Variants in CDC16 observed in about 807,000 individuals in gnomAD.
CDC16 encodes the protein cell division cycle protein 16 homolog.
A neutral mutation model predicts 87.0 loss-of-function variants in CDC16; 34 were observed. The ratio of observed to expected loss-of-function variants is 0.39; its 90% CI spans 0.30 to 0.52. CDC16 has a LOEUF of 0.52. CDC16 is among the 20% of genes least tolerant of loss of function. The pLI, the probability that CDC16 is intolerant of heterozygous loss-of-function variation, is 0.74. For missense variants in CDC16, 653 were observed against 751.9 expected, an observed-to-expected ratio of 0.87 and a Z score of 1.54; for synonymous variants, 263 against 260.6, an observed-to-expected ratio of 1.01 and a Z score of -0.09.
At chr13:114,266,939 G>A (rs906794528) in intron 17 of CDC16, among the ~76,000 whole-genome samples, 6 of 151,822 alleles carry the variant, frequency 4.0e-5, no homozygotes, top group Admixed American at 1.3e-4. Context: ...CTTGTGATCC[G>A]CCCTCCTCGG....
At chr13:114,253,811 G>A (rs936954525) in intron 12 of CDC16, among the ~76,000 whole-genome samples, 6 of 152,078 alleles carry the variant, frequency 3.9e-5, no homozygotes, top group Non-Finnish European at 8.8e-5. Flanking sequence ...TGTTACATCT[G>A]ATTTTATAGT....
At chr13:114,247,306 G>A (rs1438763919) in intron 11 of CDC16, 1 of 291,820 alleles carries the variant, frequency 3.4e-6, no homozygotes, top group Non-Finnish European at 6.4e-6. Flanking sequence ...GGGACTACAG[G>A]CACCACCATG....
At chr13:114,243,129 T>C in intron 6 of CDC16, 128 bp from the exon 7 acceptor site, 1 of 583,718 alleles carries the variant, frequency 1.7e-6, no homozygotes, top group Non-Finnish European at 3.1e-6. Context: ...TTGCACATTT[T>C]GATCTTATGT....
At chr13:114,269,533 CAA>C (rs760621641) in intron 17 of CDC16, among the ~76,000 whole-genome samples, 8 of 152,094 alleles carry the variant, frequency 5.3e-5, no homozygotes, top group African/African-American at 7.2e-5. Flanking sequence ...AGGTCACAAA[CAA>C]GAGTATTCAT....
At chr13:114,250,525 C>T (rs1329776185) in intron 11 of CDC16, 24 bp from the exon 12 acceptor site, 3 of 1,560,866 alleles carry the variant, frequency 1.9e-6, no homozygotes, top group African/African-American at 2.7e-5. Context: ...TACTATATGA[C>T]TTAAATTAAC....
chr13:114,243,870 T>C lies in CDC16; in HGVS notation c.648T>C (p.Ser216=). Residue 216 remains serine (S), a synonymous_variant, in exon 8 of 18, where the codon AGT becomes AGC. Transcript: ENST00000356221. The stretch of plus-strand genomic sequence containing the variant: ...ATGTGTTTCAGTATAATAAGCCTAG[T>C]GAAACGGTCATCCCTGAATCTGTAG... The part of the protein sequence containing the change: ...ENKLKKYNKP[S]ETVIPESVDG... 6.2e-7 allele frequency: 1 copy of C among 1,610,452 alleles called. No individual in the cohort carries two copies. The highest frequency in any genetic ancestry group is 8.5e-7 in the Non-Finnish European group (1 of 1,177,292).
rs537045839 is a variant in CDC16, at chr13:114,255,325, T to C, written c.1098-1753T>C. Among the ~76,000 whole-genome samples the C allele has an allele frequency of 1.8e-4, 28 of 152,328 alleles. No individual in the cohort carries two copies. In the South Asian group the frequency reaches 5.2e-3, roughly 28 times the overall value. On this transcript the variant is annotated intron_variant, in intron 12 of 17. Coordinates refer to ENST00000356221, the MANE Select transcript of CDC16 (RefSeq NM_001078645.3). ...TTTCAGTTCTCTTTGTTCCTGTGGG[T>C]TCAAGTTAACATCCAGTGTTACTTT...
In CDC16 at chr13:114,269,770, T is replaced by C. The variant is rs1219938737; in HGVS notation, c.1604-2414T>C. ...CCCAGGCTGGAGTGCAGGGGCGCCATCTCGGCTTACTGCAACCTCTGCCTC... is the reference window on the plus strand; with the variant it reads ...CCCAGGCTGGAGTGCAGGGGCGCCACCTCGGCTTACTGCAACCTCTGCCTC... On this transcript the variant is annotated intron_variant, in intron 17 of 17. Transcript: ENST00000356221. 3.3e-5 allele frequency among the ~76,000 whole-genome samples: 5 copies of C among 152,218 alleles called. No individual in the cohort carries two copies. In the East Asian group the frequency reaches 9.6e-4, roughly 29 times the overall value.
intron 15 of CDC16, among the ~76,000 whole-genome samples, 165 bp downstream of exon 15, chr13:114,262,113 G>A (rs2082893217): frequency 1.3e-5 from 2 of 152,122 alleles, no homozygotes; most frequent in South Asian, 4.1e-4. Flanking sequence ...ATCTGTGTTG[G>A]TGTAATTTTA....
chr13:114,263,473 A>G (rs2082979527), intron 16 of CDC16, among the ~76,000 whole-genome samples: 1 of 152,264 alleles, frequency 6.6e-6, no homozygotes, highest in African/African-American at 2.4e-5. Context: ...CACAAAGAAA[A>G]AAGTGCTGCC....
intron 14 of CDC16, among the ~76,000 whole-genome samples, chr13:114,259,625 C>A (rs1303892478): frequency 6.6e-6 from 1 of 152,210 alleles, no homozygotes; most frequent in Non-Finnish European, 1.5e-5. Flanking sequence ...TAAATGGGCT[C>A]TAGCTTTGAA....
At chr13:114,249,290 G>A (rs932376145) in intron 11 of CDC16, among the ~76,000 whole-genome samples, 1 of 151,954 alleles carries the variant, frequency 6.6e-6, no homozygotes, top group Non-Finnish European at 1.5e-5. Context: ...GAGCTCAGGC[G>A]GAAATGCAAG....
At chr13:114,244,184 T>G (rs1383586705) in intron 8 of CDC16, among the ~76,000 whole-genome samples, 195 bp downstream of exon 8, 1 of 152,120 alleles carries the variant, frequency 6.6e-6, no homozygotes, top group Non-Finnish European at 1.5e-5. Flanking sequence ...ATTTGTAGAT[T>G]TATTACATTA....
chr13:114,250,398 A>G, intron 11 of CDC16, 151 bp from the exon 12 acceptor site: 1 of 581,182 alleles, frequency 1.7e-6, no homozygotes, highest in Non-Finnish European at 2.9e-6. Context: ...AGGTTGAGGT[A>G]GGAGAATTGC....
intron 11 of CDC16, among the ~76,000 whole-genome samples, chr13:114,248,406 C>T (rs17338046): frequency 0.017 from 2,519 of 152,264 alleles, 71 homozygotes; most frequent in African/African-American, 0.057. Flanking sequence ...GTCAGCCAGG[C>T]GTGGTGGCTC....
rs2082946917 is a variant in CDC16, at chr13:114,263,024, T to G, written c.1512+10T>G. ...GGACTACTTCCACACAGTATGTCTTTTCTTTGTACCTAATTTTAAATCTGG... is the reference window on the plus strand; with the variant it reads ...GGACTACTTCCACACAGTATGTCTTGTCTTTGTACCTAATTTTAAATCTGG... On this transcript the variant is annotated intron_variant, in intron 16 of 17. Coordinates refer to ENST00000356221, the MANE Select transcript of CDC16 (RefSeq NM_001078645.3). The G allele has an allele frequency of 6.2e-7, 1 of 1,612,094 alleles. No individual in the cohort carries two copies. Among genetic ancestry groups the G allele is most frequent in the East Asian group, 2.2e-5 (1 of 44,852 alleles).
intron 12 of CDC16, among the ~76,000 whole-genome samples, chr13:114,256,656 G>A (rs1362723259): frequency 2.0e-5 from 3 of 152,200 alleles, no homozygotes; most frequent in Non-Finnish European, 2.9e-5. Context: ...GAGCATTTAT[G>A]TTAGAAAAGT....
At position 114,257,561 on chromosome 13, in the gene CDC16, G is replaced by A. The variant is rs17338138; in HGVS notation, c.1250+331G>A. On this transcript the variant is annotated intron_variant, in intron 13 of 17. Coordinates refer to ENST00000356221, the MANE Select transcript of CDC16 (RefSeq NM_001078645.3). ...TGTGTTGATAAGGAGTTGAATTTAC[G>A]TATTTGAGAAGAATTTGACATGGTT... 2.6e-3 allele frequency among the ~76,000 whole-genome samples: 389 copies of A among 152,164 alleles called. 1 individual carries two copies. The highest frequency in any genetic ancestry group is 8.7e-3 in the African/African-American group (362 of 41,504).
intron 9 of CDC16, 32 bp downstream of exon 9, chr13:114,245,001 T>TTTTATTACTTTAA (rs2081778379): frequency 7.8e-7 from 1 of 1,284,716 alleles, no homozygotes; most frequent in South Asian, 1.3e-5. Flanking sequence ...AAGTAATTCT[T>TTTTATTACTTTAA]AGACATAAAA....
Sources: gnomAD v4.1 joint callset for allele counts (sites outside exome capture counted in the v4.1 genomes callset) on GRCh38, gnomAD v4.1.1 for gene constraint, MANE v1.5 for transcripts, NCBI Gene and HGNC (gene_info 2026-07-23, HGNC 2026-07-21) for gene names.